The following ABCB7 variants were observed in gnomAD, a reference collection of about 807,000 sequenced individuals.
ABCB7 encodes the protein ATP binding cassette subfamily B member 7.
A neutral mutation model predicts 54.4 loss-of-function variants in ABCB7; 7 were observed. That is an observed-to-expected ratio of 0.13 (90% CI 0.07 to 0.24). The LOEUF (loss-of-function observed/expected upper bound fraction) is 0.24. ABCB7 is among the 10% of genes least tolerant of loss of function. The pLI, the probability that ABCB7 is intolerant of heterozygous loss-of-function variation, is 1.00. For synonymous variants in ABCB7, 218 were observed against 207.1 expected (o/e 1.05, Z -0.45); for missense variants, 356 against 570.4 (o/e 0.62, Z 3.83).
intron 4 of ABCB7, among the ~76,000 whole-genome samples, chrX:75,093,489 A>G (rs1181121806): frequency 1.8e-5 from 2 of 111,134 alleles, no homozygotes; most frequent in Non-Finnish European, 3.8e-5. Context: ...TGATATCATA[A>G]TGGTGAATAC....
At chrX:75,125,845 A>AT (rs1330972614) in intron 1 of ABCB7, among the ~76,000 whole-genome samples, 2 of 109,890 alleles carry the variant, frequency 1.8e-5, no homozygotes, top group Non-Finnish European at 3.8e-5. Flanking sequence ...ACTCTACCCA[A>AT]TCCCCCCCCA....
chrX:75,123,178 G>A (rs1056125509), intron 1 of ABCB7, among the ~76,000 whole-genome samples: 21 of 111,080 alleles, frequency 1.9e-4, no homozygotes, highest in African/African-American at 6.2e-4. Flanking sequence ...TTATGTGTAA[G>A]CCTCTTATCC....
intron 3 of ABCB7, among the ~76,000 whole-genome samples, chrX:75,101,333 T>C (rs2081638087): frequency 9.1e-6 from 1 of 109,945 alleles, no homozygotes; most frequent in African/African-American, 3.3e-5. Flanking sequence ...CCTTATATAA[T>C]ACAGGTTAGT....
chrX:75,147,250 G>A (rs1383575452), intron 1 of ABCB7, among the ~76,000 whole-genome samples: 1 of 111,585 alleles, frequency 9.0e-6, no homozygotes, highest in Non-Finnish European at 1.9e-5. Context: ...CTACTGTGGA[G>A]AGCAGTGTGG....
intron 1 of ABCB7, among the ~76,000 whole-genome samples, chrX:75,149,641 C>T (rs2082117263): frequency 9.0e-6 from 1 of 111,249 alleles, no homozygotes; most frequent in African/African-American, 3.3e-5. Context: ...AAGATAAAAA[C>T]AAAAAGATGA....
intron 3 of ABCB7, among the ~76,000 whole-genome samples, chrX:75,112,177 G>A (rs1371803005): frequency 1.8e-5 from 2 of 111,514 alleles, no homozygotes; most frequent in African/African-American, 6.5e-5. Context: ...GCAATTTAAA[G>A]AGTACTTTTA....
At chrX:75,104,047 G>GTTTTTTTGTTTTTTTTTTTTTT (rs2081663659) in intron 3 of ABCB7, among the ~76,000 whole-genome samples, 57 of 13,444 alleles carry the variant, frequency 4.2e-3, no homozygotes, top group South Asian at 9.3e-3. Flanking sequence ...TCTTGTTACA[G>GTTTTTTTGTTTTTTTTTTTTTT]TTTTTTTTTT....
intron 1 of ABCB7, among the ~76,000 whole-genome samples, chrX:75,116,305 A>C (rs2081819146): frequency 9.2e-6 from 1 of 108,464 alleles, no homozygotes; most frequent in African/African-American, 3.4e-5. Context: ...AAGTCGCACC[A>C]CCCCAAGCCC....
At chrX:75,079,859 C>T (rs2081441707) in intron 4 of ABCB7, among the ~76,000 whole-genome samples, 1 of 111,807 alleles carries the variant, frequency 8.9e-6, no homozygotes, top group Non-Finnish European at 1.9e-5. Flanking sequence ...TTTGTATTCA[C>T]CCCCGTTCTA....
rs370337216 is a variant in ABCB7 at position 75,088,649 on chromosome X, T to C, written c.453+10293A>G. 3.6e-5 allele frequency among the ~76,000 whole-genome samples: 4 copies of C among 110,182 alleles called. No individual in the cohort carries two copies. The East Asian group carries it at 8.5e-4, about 23-fold the overall frequency. ...AATGAATTTAAAAGGGAAAAGAATA[T>C]GCAAGAAATATGGGAGAATTACAAA... is the stretch of plus-strand genomic sequence containing the variant. On this transcript the variant is annotated intron_variant, in intron 4 of 15. Transcript: ENST00000373394.
intron 13 of ABCB7, 179 bp from the exon 14 acceptor site, chrX:75,062,610 T>C (rs2081289662): frequency 2.2e-6 from 1 of 445,234 alleles, no homozygotes; most frequent in Non-Finnish European, 4.0e-6. Context: ...TGACAAATTA[T>C]ATTCCCTGAA....
At chrX:75,138,785 G>A (rs2082033633) in intron 1 of ABCB7, among the ~76,000 whole-genome samples, 1 of 110,872 alleles carries the variant, frequency 9.0e-6, no homozygotes, top group African/African-American at 3.3e-5. Flanking sequence ...AGAGGTGGGT[G>A]GATCATGAGG....
intron 3 of ABCB7, among the ~76,000 whole-genome samples, chrX:75,106,233 A>T (rs2081699935): frequency 8.9e-6 from 1 of 111,785 alleles, no homozygotes; most frequent in Non-Finnish European, 1.9e-5. Context: ...AATATCCAGG[A>T]TCTAAAAGGA....
rs374674252 is a variant in ABCB7, at chrX:75,099,355, A to T, written c.334-294T>A. On this transcript the variant is annotated intron_variant, in intron 3 of 15. Coordinates refer to ENST00000373394, the MANE Select transcript of ABCB7 (RefSeq NM_001271696.3). ...ATGAAGGGACATGTACTATACATTT[A>T]TTTATTAAGCTACCAAAACACTACA... Among the ~76,000 whole-genome samples the T allele has an allele frequency of 1.1e-4, 12 of 111,844 alleles. 1 individual carries two copies. The highest frequency in any genetic ancestry group is 8.4e-4 in the East Asian group (3 of 3,583).
rs767952777 is a variant in ABCB7, at chrX:75,062,375, T to G, written c.1888A>C (p.Ile630Leu). ...ARAILKDPPV[I>L]LYDEATSSLD... ...GATGAAGTAGCTTCATCATAGAGTA[T>G]GACTGGGGGGTCCTTCAAAATGGCT... Residue 630 changes from isoleucine (I) to leucine (L), a missense_variant, in exon 14 of 16, where the codon ATA (isoleucine) becomes CTA (leucine). By Grantham distance (5) the Ile-to-Leu change is conservative. This residue lies in a region of ABCB7 where 241 missense variants were observed against 470.9 expected (regional missense o/e 0.51). Transcript: ENST00000373394. 1 of 1,211,332 alleles carries G rather than the reference T, an allele frequency of 8.3e-7. No homozygotes were observed. Among genetic ancestry groups the G allele is most frequent in the Non-Finnish European group, 1.1e-6 (1 of 894,989 alleles).
At chrX:75,116,147 CAT>C (rs1276993413) in intron 1 of ABCB7, among the ~76,000 whole-genome samples, 1 of 111,333 alleles carries the variant, frequency 9.0e-6, no homozygotes, top group Non-Finnish European at 1.9e-5. Flanking sequence ...AGACATTCAC[CAT>C]CTTTATCTCT....
At chrX:75,134,679 A>G (rs1259461731) in intron 1 of ABCB7, among the ~76,000 whole-genome samples, 1 of 112,190 alleles carries the variant, frequency 8.9e-6, no homozygotes, top group Non-Finnish European at 1.9e-5. Context: ...AAATCACTCA[A>G]TACTATAAAA....
At chrX:75,089,414 A>C (rs1380842508) in intron 4 of ABCB7, among the ~76,000 whole-genome samples, 1 of 111,379 alleles carries the variant, frequency 9.0e-6, no homozygotes, top group Non-Finnish European at 1.9e-5. Flanking sequence ...TGTAAGTGAT[A>C]GGGGGAATGA....
In ABCB7 at chrX:75,062,380, G is replaced by C; in HGVS notation, c.1883C>G (p.Pro628Arg). The C allele has an allele frequency of 8.3e-7, 1 of 1,209,925 alleles. No homozygotes were observed. The highest frequency in any genetic ancestry group is 1.1e-6 in the Non-Finnish European group (1 of 894,142). Residue 628 changes from proline (P) to arginine (R), a missense_variant, in exon 14 of 16, where the codon CCA becomes CGA. Physicochemically the swap from Pro to Arg is moderately radical, Grantham distance 103. Transcript: ENST00000373394. ...AGTAGCTTCATCATAGAGTATGACT[G>C]GGGGGTCCTTCAAAATGGCTCTTGC... ...AIARAILKDP[P>R]VILYDEATSS...
Sources: allele counts gnomAD v4.1 joint callset (sites outside exome capture counted in the v4.1 genomes callset), GRCh38; gene constraint gnomAD v4.1.1; regional missense constraint gnomAD v4.1.1; transcripts MANE v1.5; gene names NCBI Gene and HGNC (gene_info 2026-07-23, HGNC 2026-07-21).